JMY: variants seen among roughly 807,000 people sequenced by gnomAD.
The protein encoded by JMY is junction-mediating and -regulatory protein.
Under a neutral mutation model 103.3 loss-of-function variants are expected in JMY, and 46 were observed. The observed-to-expected ratio is 0.45, with a 90% confidence interval of 0.35 to 0.57. JMY has a LOEUF of 0.57. Among genes scored for constraint, JMY ranks in the 20% least tolerant of loss-of-function variants. The probability of loss-of-function intolerance (pLI) is 0.00; values close to 1 mark genes in which losing one functional copy is unlikely to be tolerated. For missense variants in JMY, 1,238 were observed against 1,255.2 expected (o/e 0.99, Z 0.21); for synonymous variants, 526 against 489.3 (o/e 1.07, Z -0.99).
chr5:79,289,458 G>A (rs1746361884), intron 2 of JMY, among the ~76,000 whole-genome samples: 1 of 152,016 alleles, frequency 6.6e-6, no homozygotes, highest in African/African-American at 2.4e-5. Context: ...GGTAAAGCAA[G>A]ATTGTATGTA....
At chr5:79,271,132 C>T (rs1479747638) in intron 1 of JMY, among the ~76,000 whole-genome samples, 4 of 151,704 alleles carry the variant, frequency 2.6e-5, no homozygotes, top group South Asian at 2.1e-4. Flanking sequence ...GTGGCATGAT[C>T]AGGACTCACT....
chr5:79,297,548 G>A (rs1479667086), intron 4 of JMY, among the ~76,000 whole-genome samples: 1 of 152,134 alleles, frequency 6.6e-6, no homozygotes, highest in Admixed American at 6.5e-5. Flanking sequence ...TTATACTAAG[G>A]ATTTTGCCTC....
At chr5:79,257,217 C>T (rs766823878) in intron 1 of JMY, among the ~76,000 whole-genome samples, 1 of 151,900 alleles carries the variant, frequency 6.6e-6, no homozygotes, top group African/African-American at 2.4e-5. Flanking sequence ...TGATTACAGG[C>T]GTGAGCTACC....
intron 1 of JMY, among the ~76,000 whole-genome samples, chr5:79,273,993 G>A (rs917189245): frequency 6.6e-6 from 1 of 151,920 alleles, no homozygotes; most frequent in Non-Finnish European, 1.5e-5. Flanking sequence ...ACCATGCCTG[G>A]CTAATTTTTG....
At position 79,314,636 on chromosome 5, in the gene JMY, C is replaced by CCCCCAAA; in HGVS notation, c.2444_2445insCCCCAAA (p.Pro817LysfsTer16). The CCCCCAAA allele has an allele frequency of 6.7e-7, 1 of 1,502,610 alleles. No homozygotes were observed. Among genetic ancestry groups the CCCCCAAA allele is most frequent in the Non-Finnish European group, 9.2e-7 (1 of 1,090,292 alleles). The allele number at this position is 1,502,610 out of a possible 1,614,324, so 93.1% of individuals were successfully genotyped here. On this transcript the variant is annotated frameshift_variant, in exon 9 of 11. Coordinates refer to ENST00000396137, the MANE Select transcript of JMY (RefSeq NM_152405.5). LOFTEE classifies it high-confidence loss of function. ...CTTCCTCCAACACCACCACCTCCCC[C>CCCCCAAA]ACCTCCTCCCCCTCCCCCACCACCA...
intron 1 of JMY, among the ~76,000 whole-genome samples, chr5:79,254,573 A>G (rs1293620560): frequency 6.6e-6 from 1 of 151,816 alleles, no homozygotes; most frequent in East Asian, 1.9e-4. Context: ...TTCTTTTAGG[A>G]TCTTTTCTTT....
chr5:79,321,398 A>G (rs1227415021), intron 10 of JMY, among the ~76,000 whole-genome samples: 2 of 152,226 alleles, frequency 1.3e-5, no homozygotes, highest in Non-Finnish European at 2.9e-5. Context: ...TGTTAGAGTA[A>G]AAATAATAAA....
chr5:79,240,301 AC>A (rs1392000838), intron 1 of JMY, among the ~76,000 whole-genome samples: 1 of 151,422 alleles, frequency 6.6e-6, no homozygotes, highest in African/African-American at 2.4e-5. Flanking sequence ...GGCGTGAGCC[AC>A]CGCACCCAGC....
intron 1 of JMY, among the ~76,000 whole-genome samples, chr5:79,265,399 T>C (rs368414368): frequency 1.2e-4 from 19 of 152,222 alleles, no homozygotes; most frequent in Admixed American, 4.6e-4. Flanking sequence ...TATACACTTA[T>C]CACTTGGCAG....
chr5:79,282,611 C>T (rs1042686766), intron 2 of JMY, among the ~76,000 whole-genome samples: 57 of 151,912 alleles, frequency 3.8e-4, no homozygotes, highest in African/African-American at 1.3e-3. Flanking sequence ...GAAGTGGGTA[C>T]GTTACAATCT....
At chr5:79,302,083 CAAAAAAA>C (rs33983370) in intron 6 of JMY, among the ~76,000 whole-genome samples, 1 of 102,618 alleles carries the variant, frequency 9.7e-6, no homozygotes, top group Non-Finnish European at 1.9e-5. Flanking sequence ...AACTCCGTCT[CAAAAAAA>C]AAAAAAAAAA....
At chr5:79,248,235 G>A (rs1177690280) in intron 1 of JMY, among the ~76,000 whole-genome samples, 1 of 152,004 alleles carries the variant, frequency 6.6e-6, no homozygotes, top group Non-Finnish European at 1.5e-5. Context: ...TCACCAAGTT[G>A]GCCAGGCTGG....
In JMY at chr5:79,237,310, G is replaced by T. The variant is rs1269005913; in HGVS notation, c.660G>T (p.Leu220=). The T allele has an allele frequency of 1.3e-6, 2 of 1,568,980 alleles. No individual in the cohort carries two copies. ...AGCAGCCGCCGCCCGCCACCGAGCT[G>T]GAGTCTCCGGCCGAAGAGTGCAGCT... ...DAEQPPPATE[L]ESPAEECSWA... is the part of the protein sequence containing the mutation. The change falls in exon 1 of 11, where the codon CTG becomes CTT. Residue 220 remains leucine, a synonymous_variant. Transcript: ENST00000396137.
At chr5:79,284,629 A>G (rs1244275391) in intron 2 of JMY, 1 of 1,552,598 alleles carries the variant, frequency 6.4e-7, no homozygotes, top group Non-Finnish European at 8.8e-7. Context: ...CATGGAAGTT[A>G]GGCAGTTTTT....
chr5:79,315,901 G>A (rs528190666), intron 9 of JMY, 99 bp from the exon 10 acceptor site: 24 of 958,814 alleles, frequency 2.5e-5, no homozygotes, highest in South Asian at 9.3e-5. Context: ...GTGTTTCAGC[G>A]TCCTGTGCTT....
intron 8 of JMY, among the ~76,000 whole-genome samples, chr5:79,312,943 G>A (rs1022443466): frequency 6.6e-6 from 1 of 152,078 alleles, no homozygotes; most frequent in African/African-American, 2.4e-5. Flanking sequence ...CTCTTGCCAG[G>A]GTAAGCCATG....
chr5:79,271,499 A>G (rs1447684010), intron 1 of JMY, among the ~76,000 whole-genome samples: 3 of 152,126 alleles, frequency 2.0e-5, no homozygotes, highest in African/African-American at 7.2e-5. Flanking sequence ...CTATGAACCT[A>G]TCTGGGCCTG....
intron 1 of JMY, among the ~76,000 whole-genome samples, chr5:79,258,615 G>A (rs779993205): frequency 2.0e-5 from 3 of 152,098 alleles, no homozygotes; most frequent in Non-Finnish European, 2.9e-5. Context: ...GTGGTGGGGC[G>A]GGCAGCTCCA....
At chr5:79,309,301 CA>C (rs1746975349) in intron 7 of JMY, among the ~76,000 whole-genome samples, 1 of 152,094 alleles carries the variant, frequency 6.6e-6, no homozygotes, top group East Asian at 1.9e-4. Flanking sequence ...TGTTCTTTAT[CA>C]AGTAGAGGAA....
Sources: allele counts gnomAD v4.1 joint callset (sites outside exome capture counted in the v4.1 genomes callset), GRCh38; gene constraint gnomAD v4.1.1; transcripts MANE v1.5; gene names NCBI Gene and HGNC (gene_info 2026-07-23, HGNC 2026-07-21).